The following DPYSL2 variants were observed in gnomAD, a reference collection of about 807,000 sequenced individuals.
DPYSL2 encodes the protein dihydropyrimidinase like 2.
A neutral mutation model predicts 69.9 loss-of-function variants in DPYSL2; 13 were observed. That is an observed-to-expected ratio of 0.19 (90% CI 0.12 to 0.30). The LOEUF is 0.30. DPYSL2 is among the 10% of genes least tolerant of loss of function. DPYSL2 has a pLI of 1.00. For missense variants in DPYSL2, 587 were observed against 918.9 expected, an observed-to-expected ratio of 0.64 and a Z score of 4.67; for synonymous variants, 326 against 359.1, an observed-to-expected ratio of 0.91 and a Z score of 1.04.
chr8:26,550,790 A>G (rs1800862869), intron 1 of DPYSL2, among the ~76,000 whole-genome samples: 1 of 152,190 alleles, frequency 6.6e-6, no homozygotes, highest in Non-Finnish European at 1.5e-5. Flanking sequence ...TGAAGGCCTC[A>G]GATGCAAGGA....
At position 26,597,482 on chromosome 8, in the gene DPYSL2, C is replaced by CT. The variant is rs1053256117; in HGVS notation, c.628+13508dup. Among the ~76,000 whole-genome samples the CT allele has an allele frequency of 6.6e-6, 1 of 151,072 alleles. No individual in the cohort carries two copies. The highest frequency in any genetic ancestry group is 2.4e-5 in the African/African-American group (1 of 41,070). On this transcript the variant is annotated intron_variant, in intron 3 of 13. Transcript: ENST00000521913. This position sits in a 1 kb window ranked among gnomAD's most constrained non-coding sequence, Gnocchi z 5.2. ...GCAGATGGCATTTTTCTTTTCTTTTCTTTTTTTTTGGATACAGAGTCTCCC... is the reference window on the plus strand; with the variant it reads ...GCAGATGGCATTTTTCTTTTCTTTTCTTTTTTTTTTGGATACAGAGTCTCCC...
intron 8 of DPYSL2, among the ~76,000 whole-genome samples, chr8:26,636,063 G>A (rs1428620279): frequency 2.0e-5 from 3 of 152,188 alleles, no homozygotes; most frequent in Non-Finnish European, 2.9e-5. Flanking sequence ...CCTGGCCCTG[G>A]TTCTTTGGAG....
intron 1 of DPYSL2, among the ~76,000 whole-genome samples, chr8:26,574,211 G>A (rs1373214172): frequency 2.6e-5 from 4 of 152,050 alleles, no homozygotes; most frequent in Admixed American, 2.6e-4. Context: ...GGGAAGGAGG[G>A]GAAAAGAACG....
intron 1 of DPYSL2, among the ~76,000 whole-genome samples, chr8:26,539,129 C>G (rs1039008013): frequency 3.9e-5 from 6 of 152,188 alleles, no homozygotes; most frequent in African/African-American, 1.4e-4. Flanking sequence ...GCTTAGCTAC[C>G]TCTACTTTTA....
In DPYSL2 at chr8:26,564,680, G is replaced by A. The variant is rs769784217; in HGVS notation, c.355-17289G>A. ...TGGTGACAGCTGCTGAGAGGTGTGA[G>A]AGGGTGGCCAGATCAAGGACCAGTG... On this transcript the variant is annotated intron_variant, in intron 1 of 13. Transcript: ENST00000521913. This position sits in a 1 kb window ranked among gnomAD's most constrained non-coding sequence, Gnocchi z 4.8. Among the ~76,000 whole-genome samples, 42 of 152,194 alleles carry A rather than the reference G, an allele frequency of 2.8e-4. No homozygotes were observed. The highest frequency in any genetic ancestry group is 8.3e-4 in the South Asian group (4 of 4,832).
At chr8:26,592,473 T>G (rs201290326) in intron 3 of DPYSL2, among the ~76,000 whole-genome samples, 7,471 of 90,532 alleles carry the variant, frequency 0.083, 282 homozygotes, top group South Asian at 0.21. Context: ...TTTTTTTTTT[T>G]TTGTTTTTTT....
chr8:26,632,519 C>T (rs1294291210), intron 7 of DPYSL2, among the ~76,000 whole-genome samples: 3 of 152,196 alleles, frequency 2.0e-5, no homozygotes, highest in African/African-American at 7.2e-5. Flanking sequence ...CTGGACAGGT[C>T]ATTTCCCTTT....
In DPYSL2 at chr8:26,617,530, A is replaced by G. The variant is rs1279489212; in HGVS notation, c.629-6613A>G. On this transcript the variant is annotated intron_variant, in intron 3 of 13. Coordinates refer to ENST00000521913, the MANE Select transcript of DPYSL2 (RefSeq NM_001197293.3). The surrounding 1 kb of genome is among the most constrained non-coding windows in gnomAD (Gnocchi z 4.7). Reference sequence around the variant, plus strand: ...AAAGGATAAAAGAAAAAAAAATTAAAAGTAGGGTCATTTAAATATGGCAAA... The same window carrying G: ...AAAGGATAAAAGAAAAAAAAATTAAGAGTAGGGTCATTTAAATATGGCAAA... Among the ~76,000 whole-genome samples, 1 of 152,116 alleles carries G rather than the reference A, an allele frequency of 6.6e-6. No individual in the cohort carries two copies. Among genetic ancestry groups the G allele is most frequent in the Non-Finnish European group, 1.5e-5 (1 of 68,008 alleles).
Position 26,614,977 on chromosome 8 carries a change from C to T in DPYSL2, c.629-9166C>T, listed in dbSNP as rs1454766397. Among the ~76,000 whole-genome samples the T allele has an allele frequency of 6.6e-6, 1 of 152,210 alleles. No homozygotes were observed. The highest frequency in any genetic ancestry group is 2.4e-5 in the African/African-American group (1 of 41,442). ...GATCACACGTTCTGGGGTCAGATTC[C>T]AGCTCTGCCAGTCAGTGGCTGCACT... is the stretch of plus-strand genomic sequence containing the variant. On this transcript the variant is annotated intron_variant, in intron 3 of 13. Transcript: ENST00000521913. This position sits in a 1 kb window ranked among gnomAD's most constrained non-coding sequence, Gnocchi z 4.9.
chr8:26,653,436 C>G lies in DPYSL2; in HGVS notation c.1942+39C>G. 1.3e-6 allele frequency: 2 copies of G among 1,574,942 alleles called. No homozygotes were observed. Among genetic ancestry groups the G allele is most frequent in the Non-Finnish European group, 1.7e-6 (2 of 1,159,164 alleles). ...TTGGGGAGGGCACAGTTCTGCAGGG[C>G]CAGCTCGCTGGTGCTGGCGAGGCTA... On this transcript the variant is annotated intron_variant, in intron 13 of 13. Transcript: ENST00000521913. The surrounding 1 kb of genome is among the most constrained non-coding windows in gnomAD (Gnocchi z 5.7).
chr8:26,521,224 G>T (rs1323673516), intron 1 of DPYSL2, among the ~76,000 whole-genome samples: 1 of 152,310 alleles, frequency 6.6e-6, no homozygotes, highest in African/African-American at 2.4e-5. Context: ...GCAAGTGCCT[G>T]GTCTTAAAGG....
chr8:26,586,724 A>T lies in DPYSL2; in HGVS notation c.628+2741A>T, dbSNP rs1322753912. Among the ~76,000 whole-genome samples, 1 of 152,190 alleles carries T rather than the reference A, an allele frequency of 6.6e-6. No individual in the cohort carries two copies. Among genetic ancestry groups the T allele is most frequent in the Non-Finnish European group, 1.5e-5 (1 of 68,036 alleles). On this transcript the variant is annotated intron_variant, in intron 3 of 13. Coordinates refer to ENST00000521913, the MANE Select transcript of DPYSL2 (RefSeq NM_001197293.3). This position sits in a 1 kb window ranked among gnomAD's most constrained non-coding sequence, Gnocchi z 4.7. ...GTGCAGCACCTGGCCCAGGGAGCTC[A>T]GAAGAGTCAGCAGATGGCCTTATGG...
chr8:26,578,654 C>T (rs1031085682), intron 1 of DPYSL2: 3 of 1,061,704 alleles, frequency 2.8e-6, no homozygotes, highest in African/African-American at 1.7e-5. Flanking sequence ...GGATATTGTT[C>T]TCTGGGCTGC....
rs74895668 is a variant in DPYSL2, at chr8:26,520,349, C to T, written c.354+5670C>T. ...AAAGCCAGAGGCAGGGCCTGAACCC[C>T]GGGGATATGTGACTAGAGAGCTTTT... On this transcript the variant is annotated intron_variant, in intron 1 of 13. Coordinates refer to ENST00000521913, the MANE Select transcript of DPYSL2 (RefSeq NM_001197293.3). Among the ~76,000 whole-genome samples, 361 of 152,182 alleles carry T rather than the reference C, an allele frequency of 2.4e-3. 2 individuals are homozygous for T. The highest frequency in any genetic ancestry group is 4.2e-3 in the Non-Finnish European group (285 of 68,016).
In DPYSL2 at chr8:26,656,100, C is replaced by T. The variant is rs1006884020; in HGVS notation, c.*394C>T. 1.9e-4 allele frequency: 32 copies of T among 170,162 alleles called. No individual in the cohort carries two copies. Among genetic ancestry groups the T allele is most frequent in the African/African-American group, 6.9e-4 (29 of 41,986 alleles). The allele number at this position is 170,162 out of a possible 1,614,324, so 10.5% of individuals were successfully genotyped here. On this transcript the variant is annotated 3_prime_UTR_variant, in exon 14 of 14. Transcript: ENST00000521913. ...GATAAAGTGAATTGCCCAGAGCTGC[C>T]TTTTTCTTTTCTTTTTAAAAATTTT...
chr8:26,609,117 A>G lies in DPYSL2; in HGVS notation c.629-15026A>G, dbSNP rs1802172540. Among the ~76,000 whole-genome samples, 1 of 152,136 alleles carries G rather than the reference A, an allele frequency of 6.6e-6. No individual in the cohort carries two copies. The highest frequency in any genetic ancestry group is 1.5e-5 in the Non-Finnish European group (1 of 68,022). On this transcript the variant is annotated intron_variant, in intron 3 of 13. Coordinates refer to ENST00000521913, the MANE Select transcript of DPYSL2 (RefSeq NM_001197293.3). The surrounding 1 kb of genome is among the most constrained non-coding windows in gnomAD (Gnocchi z 6.5). ...TGTGTACACGCTAGTTTTTATTTGA[A>G]CGAGGTGCTCTTGTCTTTATTATGT...
In DPYSL2 at chr8:26,643,392, T is replaced by TC; in HGVS notation, c.1127-42dup. 6.5e-7 allele frequency: 1 copy of TC among 1,528,078 alleles called. No individual in the cohort carries two copies. The highest frequency in any genetic ancestry group is 8.8e-7 in the Non-Finnish European group (1 of 1,139,344). 94.7% of individuals were successfully genotyped at this position (1,528,078 alleles called of 1,614,324 possible). On this transcript the variant is annotated intron_variant, in intron 8 of 13. Coordinates refer to ENST00000521913, the MANE Select transcript of DPYSL2 (RefSeq NM_001197293.3). The surrounding 1 kb of genome is among the most constrained non-coding windows in gnomAD (Gnocchi z 6.5). The stretch of plus-strand genomic sequence containing the variant: ...TGGCTCCTCATAGGGGTGGTTCCCT[T>TC]CCCCCTGCATTGTGTTGGACTGAAC...
At chr8:26,527,984 A>C (rs954373875) in intron 1 of DPYSL2, among the ~76,000 whole-genome samples, 1 of 152,014 alleles carries the variant, frequency 6.6e-6, no homozygotes, top group Non-Finnish European at 1.5e-5. Flanking sequence ...TGTATTTTTT[A>C]GTAGAGACGA....
Position 26,564,263 on chromosome 8 carries a change from G to A in DPYSL2, c.355-17706G>A, listed in dbSNP as rs375261513. Among the ~76,000 whole-genome samples, 140 of 152,300 alleles carry A rather than the reference G, an allele frequency of 9.2e-4. No individual in the cohort carries two copies. Among genetic ancestry groups the A allele is most frequent in the Non-Finnish European group, 1.7e-3 (113 of 68,038 alleles). ...GGTTGAGAAGCAAATGGGAGTGGAA[G>A]TTGAGGAAGTGGAGGCCAGGAGTGT... On this transcript the variant is annotated intron_variant, in intron 1 of 13. Coordinates refer to ENST00000521913, the MANE Select transcript of DPYSL2 (RefSeq NM_001197293.3). This position sits in a 1 kb window ranked among gnomAD's most constrained non-coding sequence, Gnocchi z 4.8.
Sources: gnomAD v4.1 joint callset for allele counts (sites outside exome capture counted in the v4.1 genomes callset) on GRCh38, gnomAD v4.1.1 for gene constraint, Gnocchi (gnomAD v3.1) non-coding constraint, MANE v1.5 for transcripts, NCBI Gene and HGNC (gene_info 2026-07-23, HGNC 2026-07-21) for gene names.